Variants in KLHDC4 observed in about 807,000 individuals in gnomAD.
KLHDC4 encodes kelch domain containing 4.
KLHDC4 carries 90 observed loss-of-function variants against 62.4 expected under a neutral mutation model. The observed-to-expected ratio is 1.44, with a 90% confidence interval of 1.22 to 1.72. The LOEUF (loss-of-function observed/expected upper bound fraction) is 1.72. KLHDC4 is among the 40% of genes most tolerant of loss of function. The pLI, the probability that KLHDC4 is intolerant of heterozygous loss-of-function variation, is 0.00. For synonymous variants in KLHDC4, 386 were observed against 284.4 expected (o/e 1.36, Z -3.59); for missense variants, 1,025 against 699.7 (o/e 1.47, Z -5.25).
Position 87,748,762 on chromosome 16 carries a change from C to G in KLHDC4, c.417G>C (p.Gly139=). 1 of 1,613,382 alleles carries G rather than the reference C, an allele frequency of 6.2e-7. No individual in the cohort carries two copies. The highest frequency in any genetic ancestry group is 8.5e-7 in the Non-Finnish European group (1 of 1,179,862). ...QGGGQLWVFG[G]EFASPNGEQF... The stretch of plus-strand genomic sequence containing the variant: ...GCTCTCCGTTGGGAGAGGCAAACTC[C>G]CCTCCAAAGACCCACAGCTGTCCGC... Residue 139 remains glycine, a synonymous_variant, in exon 5 of 12, where the codon GGG becomes GGC. Transcript: ENST00000270583.
intron 6 of KLHDC4, among the ~76,000 whole-genome samples, chr16:87,727,655 G>A (rs1055647668): frequency 5.9e-5 from 9 of 152,190 alleles, no homozygotes; most frequent in African/African-American, 1.4e-4. Context: ...ACTCGGAGGC[G>A]CACCCAGAAA....
chr16:87,740,361 C>T (rs2042055616), intron 5 of KLHDC4, among the ~76,000 whole-genome samples: 1 of 152,266 alleles, frequency 6.6e-6, no homozygotes, highest in Admixed American at 6.5e-5. Flanking sequence ...AGCAGCACAA[C>T]GGGAGATTGA....
intron 5 of KLHDC4, among the ~76,000 whole-genome samples, chr16:87,745,515 G>C (rs948698475): frequency 1.3e-5 from 2 of 152,250 alleles, no homozygotes; most frequent in Admixed American, 6.5e-5. Context: ...TCCACACAAA[G>C]ACCTTCCTGT....
At chr16:87,762,109 G>C (rs1168766512) in intron 1 of KLHDC4, 69 bp from the exon 2 acceptor site, 6 of 1,593,726 alleles carry the variant, frequency 3.8e-6, no homozygotes, top group Admixed American at 1.8e-5. Flanking sequence ...AGCCCGCTCA[G>C]CTTTCCTCCA....
At chr16:87,737,570 C>T (rs575672216) in intron 5 of KLHDC4, among the ~76,000 whole-genome samples, 10 of 150,488 alleles carry the variant, frequency 6.6e-5, no homozygotes, top group African/African-American at 2.2e-4. Context: ...CTCACCTTCC[C>T]GGTTTCTCTA....
chr16:87,711,163 G>A (rs1209173569), intron 9 of KLHDC4, 72 bp downstream of exon 9: 11 of 1,522,318 alleles, frequency 7.2e-6, no homozygotes, highest in Middle Eastern at 1.7e-4. Flanking sequence ...AGGTGCTGGA[G>A]GAAGGCAGTG....
chr16:87,764,144 T>C (rs75612326), intron 1 of KLHDC4, among the ~76,000 whole-genome samples: 232 of 152,286 alleles, frequency 1.5e-3, no homozygotes, highest in African/African-American at 5.5e-3. Flanking sequence ...TGTGATTAGG[T>C]TGTATTACAG....
At position 87,753,196 on chromosome 16, in the gene KLHDC4, C is replaced by A. The variant is rs368377682; in HGVS notation, c.369+1998G>T. Among the ~76,000 whole-genome samples the A allele has an allele frequency of 4.6e-5, 7 of 152,248 alleles. No individual in the cohort carries two copies. In the East Asian group the frequency reaches 9.7e-4, roughly 21 times the overall value. On this transcript the variant is annotated intron_variant, in intron 4 of 11. Coordinates refer to ENST00000270583, the MANE Select transcript of KLHDC4 (RefSeq NM_017566.4). The stretch of plus-strand genomic sequence containing the variant: ...AAAGCCCTGGAAATCTGCACGGGGG[C>A]GTCCCCTGGAGTCTCTGTACACTAA...
At chr16:87,755,481 A>C (rs2044729980) in intron 3 of KLHDC4, 189 bp from the exon 4 acceptor site, 1 of 467,880 alleles carries the variant, frequency 2.1e-6, no homozygotes, top group Non-Finnish European at 3.9e-6. Flanking sequence ...AAAACGACCG[A>C]ACGCCCACCA....
rs1194020361 is a variant in KLHDC4, at chr16:87,748,763, C to T, written c.416G>A (p.Gly139Glu). ...QGGGQLWVFG[G>E]EFASPNGEQF... ...CTCTCCGTTGGGAGAGGCAAACTCCCCTCCAAAGACCCACAGCTGTCCGCC... is the reference window on the plus strand; with the variant it reads ...CTCTCCGTTGGGAGAGGCAAACTCCTCTCCAAAGACCCACAGCTGTCCGCC... The change falls in exon 5 of 12, where the codon GGG becomes GAG. Residue 139 changes from glycine to glutamate, a missense_variant. By Grantham distance (98) the Gly-to-Glu change is moderately conservative. Transcript: ENST00000270583. 6.2e-7 allele frequency: 1 copy of T among 1,613,350 alleles called. No individual in the cohort carries two copies.
intron 6 of KLHDC4, 96 bp from the exon 7 acceptor site, chr16:87,727,020 C>T: frequency 7.4e-7 from 1 of 1,352,678 alleles, no homozygotes; most frequent in Non-Finnish European, 1.0e-6. Context: ...AAATTTCCTA[C>T]TGTTTGGGGA....
chr16:87,743,198 T>C (rs890114853), intron 5 of KLHDC4, among the ~76,000 whole-genome samples: 4 of 152,224 alleles, frequency 2.6e-5, no homozygotes, highest in Non-Finnish European at 5.9e-5. Context: ...CTTGAACTCC[T>C]GAGCTCAAGT....
intron 7 of KLHDC4, among the ~76,000 whole-genome samples, chr16:87,724,211 T>C (rs1001655299): frequency 6.6e-6 from 1 of 152,216 alleles, no homozygotes; most frequent in African/African-American, 2.4e-5. Flanking sequence ...AACACTCACC[T>C]AATGCTGCTC....
At chr16:87,737,110 A>AAAAG (rs2041457270) in intron 5 of KLHDC4, among the ~76,000 whole-genome samples, 1 of 138,764 alleles carries the variant, frequency 7.2e-6, no homozygotes, top group Non-Finnish European at 1.5e-5. Flanking sequence ...GGGCGACAAA[A>AAAAG]AAAAAAAAAA....
chr16:87,759,468 C>T (rs575059174), intron 2 of KLHDC4, among the ~76,000 whole-genome samples: 21 of 151,246 alleles, frequency 1.4e-4, no homozygotes, highest in South Asian at 4.2e-4. Flanking sequence ...ATAAATAGGC[C>T]GGGTACAGTG....
chr16:87,728,098 A>C (rs1449101537), intron 6 of KLHDC4, among the ~76,000 whole-genome samples: 1 of 152,128 alleles, frequency 6.6e-6, no homozygotes, highest in Non-Finnish European at 1.5e-5. Flanking sequence ...GAGGCACGAG[A>C]ATAGTTTGAA....
intron 4 of KLHDC4, among the ~76,000 whole-genome samples, chr16:87,749,399 C>T (rs1030685187): frequency 2.6e-5 from 4 of 151,906 alleles, no homozygotes; most frequent in African/African-American, 9.7e-5. Context: ...ACTAAAAATA[C>T]AAACATTAGC....
At chr16:87,704,705 A>G (rs184912456), downstream of KLHDC4, among the ~76,000 whole-genome samples, 3 of 152,056 alleles carry the variant, frequency 2.0e-5, no homozygotes, top group East Asian at 5.8e-4. Flanking sequence ...TGCTTGTACC[A>G]ACTCAATTAA....
Position 87,761,843 on chromosome 16 carries a change from A to G in KLHDC4, c.191+106T>C. 5 of 1,055,406 alleles carry G rather than the reference A, an allele frequency of 4.7e-6. No homozygotes were observed. The East Asian group carries it at 9.6e-5, about 20-fold the overall frequency. 65.4% of individuals were successfully genotyped at this position (1,055,406 alleles called of 1,614,324 possible). A position where few individuals can be genotyped will look rare whatever the true frequency, so the allele number is the denominator to read the frequency against. On this transcript the variant is annotated intron_variant, in intron 2 of 11. Coordinates refer to ENST00000270583, the MANE Select transcript of KLHDC4 (RefSeq NM_017566.4). ...CCAAGAACAGGTTTTAATAATGAAA[A>G]TGTCCCAAGTGCCTGGTCATTTACG... is the stretch of plus-strand genomic sequence containing the variant.
Sources: allele counts gnomAD v4.1 joint callset (sites outside exome capture counted in the v4.1 genomes callset), GRCh38; gene constraint gnomAD v4.1.1; transcripts MANE v1.5; gene names NCBI Gene and HGNC (gene_info 2026-07-23, HGNC 2026-07-21).